The following FYB1 variants were observed in gnomAD, a reference collection of about 807,000 sequenced individuals.
FYB1 encodes FYN binding protein 1.
A neutral mutation model predicts 94.1 loss-of-function variants in FYB1; 41 were observed. The observed-to-expected ratio is 0.44, with a 90% confidence interval of 0.34 to 0.57. The LOEUF (loss-of-function observed/expected upper bound fraction) is 0.57. FYB1 is among the 20% of genes least tolerant of loss of function. The pLI, the probability that FYB1 is intolerant of heterozygous loss-of-function variation, is 0.02. For synonymous variants in FYB1, 367 were observed against 353.2 expected (o/e 1.04, Z -0.44); for missense variants, 1,050 against 976.8 (o/e 1.07, Z -1.00).
intron 2 of FYB1, among the ~76,000 whole-genome samples, chr5:39,194,836 G>A (rs1355748972): frequency 6.6e-6 from 1 of 152,180 alleles, no homozygotes; most frequent in Non-Finnish European, 1.5e-5. Context: ...CCTCAGACAC[G>A]TCAACATGCA....
intron 1 of FYB1, among the ~76,000 whole-genome samples, chr5:39,257,067 T>C (rs1751971220): frequency 6.6e-6 from 1 of 152,232 alleles, no homozygotes; most frequent in African/African-American, 2.4e-5. Flanking sequence ...ATTCAGCAGA[T>C]GTTAATTTCA....
At chr5:39,114,874 G>C (rs903073454) in intron 16 of FYB1, among the ~76,000 whole-genome samples, 5 of 152,140 alleles carry the variant, frequency 3.3e-5, no homozygotes, top group African/African-American at 1.2e-4. Context: ...AAGTGACTCT[G>C]AAGCTCAGAG....
chr5:39,167,595 G>A (rs1744854913), intron 2 of FYB1, among the ~76,000 whole-genome samples: 1 of 152,098 alleles, frequency 6.6e-6, no homozygotes, highest in Admixed American at 6.5e-5. Context: ...TCTGTGTTAG[G>A]GATAGTCCAG....
chr5:39,211,217 T>C (rs1301012441), intron 1 of FYB1: 2 of 152,212 alleles, frequency 1.3e-5, no homozygotes, highest in Non-Finnish European at 2.9e-5. Flanking sequence ...AGGCTAATAG[T>C]TGATGTACAC....
In FYB1 at chr5:39,190,862, G is replaced by A. The variant is rs551871590; in HGVS notation, c.1135+10964C>T. Among the ~76,000 whole-genome samples, 24 of 151,972 alleles carry A rather than the reference G, an allele frequency of 1.6e-4. No individual in the cohort carries two copies. The East Asian group carries it at 4.7e-3, about 29-fold the overall frequency. ...GTTTCTAGATGAACCAGAAGTGAGA[G>A]GCTGGAGAGGTGGGAGAAACAGAAG... On this transcript the variant is annotated intron_variant, in intron 2 of 18. Transcript: ENST00000512982.
chr5:39,180,989 T>A (rs1028119741), intron 2 of FYB1, among the ~76,000 whole-genome samples: 2 of 152,206 alleles, frequency 1.3e-5, no homozygotes, highest in African/African-American at 4.8e-5. Context: ...AGTCACTCAC[T>A]CATTCGTTCA....
intron 9 of FYB1, among the ~76,000 whole-genome samples, chr5:39,131,761 GC>G (rs1319169342): frequency 6.6e-6 from 1 of 152,102 alleles, no homozygotes; most frequent in East Asian, 1.9e-4. Context: ...GCTGCATTCT[GC>G]TTGGCTGCCA....
intron 7 of FYB1, among the ~76,000 whole-genome samples, chr5:39,136,474 C>G (rs893391407): frequency 7.9e-5 from 12 of 152,102 alleles, no homozygotes; most frequent in Non-Finnish European, 1.5e-4. Context: ...AATATTAATA[C>G]GGTAATCATA....
intron 1 of FYB1, among the ~76,000 whole-genome samples, chr5:39,251,631 T>C (rs1052619117): frequency 4.6e-5 from 7 of 152,196 alleles, no homozygotes; most frequent in Admixed American, 6.5e-5. Context: ...AGACCCTGTA[T>C]ACTAATCCTT....
At chr5:39,127,450 CAAAAA>C (rs34709432) in intron 11 of FYB1, among the ~76,000 whole-genome samples, 1 of 66,440 alleles carries the variant, frequency 1.5e-5, no homozygotes, top group East Asian at 3.5e-4. Context: ...GACTCTGTCT[CAAAAA>C]AAAAAAAAAA....
chr5:39,130,544 A>G (rs1316768033), intron 10 of FYB1, 46 bp downstream of exon 10: 2 of 1,441,886 alleles, frequency 1.4e-6, no homozygotes, highest in South Asian at 1.2e-5. Flanking sequence ...ACATGCCAAT[A>G]TATGTATCAA....
chr5:39,116,686 T>G (rs1024296352), intron 16 of FYB1, among the ~76,000 whole-genome samples: 2 of 152,142 alleles, frequency 1.3e-5, no homozygotes, highest in African/African-American at 4.8e-5. Context: ...TCCATCTATA[T>G]CCATACATGT....
At chr5:39,110,293 A>G in intron 17 of FYB1, 63 bp downstream of exon 17, 1 of 981,214 alleles carries the variant, frequency 1.0e-6, no homozygotes. Flanking sequence ...TATTATAAAT[A>G]TTTTAAAAAG....
chr5:39,231,163 A>AAAAAAAAAAAC (rs1561294075), intron 1 of FYB1, among the ~76,000 whole-genome samples: 2 of 118,974 alleles, frequency 1.7e-5, no homozygotes, highest in Non-Finnish European at 3.2e-5. Flanking sequence ...AAAAAAAAAC[A>AAAAAAAAAAAC]AAAAAAAACA....
At chr5:39,225,137 G>A (rs540762089) in intron 1 of FYB1, among the ~76,000 whole-genome samples, 1 of 152,276 alleles carries the variant, frequency 6.6e-6, no homozygotes, top group Non-Finnish European at 1.5e-5. Flanking sequence ...GGTCACTGAA[G>A]ATTTTTGGTT....
At chr5:39,186,638 C>CT (rs56144868) in intron 2 of FYB1, among the ~76,000 whole-genome samples, 3,580 of 76,288 alleles carry the variant, frequency 0.047, 312 homozygotes, top group East Asian at 0.2. Flanking sequence ...CAATTGGATG[C>CT]TTTTTTTTTT....
intron 2 of FYB1, among the ~76,000 whole-genome samples, chr5:39,170,622 C>A (rs1195644607): frequency 3.3e-5 from 5 of 152,198 alleles, no homozygotes; most frequent in Admixed American, 2.0e-4. Context: ...AGCCTCCTCA[C>A]CAGTTTTTTG....
intron 6 of FYB1, chr5:39,138,217 A>G (rs568692856): frequency 8.3e-4 from 139 of 166,784 alleles, no homozygotes; most frequent in Non-Finnish European, 1.5e-3. Context: ...TTTCGTTTCC[A>G]AGAAACTTCT....
intron 2 of FYB1, among the ~76,000 whole-genome samples, chr5:39,175,184 A>T (rs1745609149): frequency 1.3e-5 from 2 of 152,206 alleles, no homozygotes; most frequent in Non-Finnish European, 2.9e-5. Flanking sequence ...ATGGAGATCC[A>T]GCCAGGCAGA....
Sources: gnomAD v4.1 joint callset for allele counts (sites outside exome capture counted in the v4.1 genomes callset) on GRCh38, gnomAD v4.1.1 for gene constraint, MANE v1.5 for transcripts, NCBI Gene and HGNC (gene_info 2026-07-23, HGNC 2026-07-21) for gene names.